Variants in MCTP1 observed in about 807,000 individuals in gnomAD.
MCTP1 encodes multiple C2 and transmembrane domain containing 1.
A neutral mutation model predicts 120.6 loss-of-function variants in MCTP1; 69 were observed. That is an observed-to-expected ratio of 0.57 (90% confidence interval 0.47 to 0.70). The LOEUF (loss-of-function observed/expected upper bound fraction) is 0.70, where lower values mean the gene tolerates loss of function less well. Ranked by LOEUF, MCTP1 falls within the 30% of genes least tolerant of loss-of-function variation. The probability of loss-of-function intolerance (pLI) is 0.00; values close to 1 mark genes in which losing one functional copy is unlikely to be tolerated. For missense variants in MCTP1, 1,203 were observed against 1,248.8 expected, an observed-to-expected ratio of 0.96 and a Z score of 0.55; for synonymous variants, 529 against 493.1, an observed-to-expected ratio of 1.07 and a Z score of -0.96.
chr5:94,846,817 CTGTGTGTGTG>C (rs67319075), intron 17 of MCTP1, among the ~76,000 whole-genome samples: 1 of 147,150 alleles, frequency 6.8e-6, no homozygotes, highest in Non-Finnish European at 1.5e-5. Flanking sequence ...CTGTGTGTGT[CTGTGTGTGTG>C]TGTGTGTGTG....
intron 1 of MCTP1, among the ~76,000 whole-genome samples, chr5:95,050,477 C>T (rs1745607569): frequency 6.6e-6 from 1 of 152,196 alleles, no homozygotes; most frequent in South Asian, 2.1e-4. Context: ...AGCCATCGGA[C>T]ATCACCAGTC....
At chr5:95,280,157 A>T (rs189040344) in intron 1 of MCTP1, among the ~76,000 whole-genome samples, 148 of 152,296 alleles carry the variant, frequency 9.7e-4, no homozygotes, top group African/African-American at 3.4e-3. Context: ...AGCAAGATAC[A>T]CTTCATGTAT....
At chr5:95,081,650 G>GT in intron 1 of MCTP1, 14 of 1,327,414 alleles carry the variant, frequency 1.1e-5, no homozygotes, top group Non-Finnish European at 1.3e-5. Flanking sequence ...TGGAATGAAA[G>GT]TAAGAAGAAC....
In MCTP1 at chr5:94,705,979, TA is replaced by T; in HGVS notation, c.*1516del. 1 of 151,702 alleles carries T rather than the reference TA, an allele frequency of 6.6e-6. No individual in the cohort carries two copies. The highest frequency in any genetic ancestry group is 2.4e-5 in the African/African-American group (1 of 41,386). 9.4% of individuals were successfully genotyped at this position (151,702 alleles called of 1,614,324 possible). Reference sequence around the variant, plus strand: ...GTATATAAACAGATCAAAATAGTTCTATTATAAGAAATAGTATTTAACAACT... The same window carrying T: ...GTATATAAACAGATCAAAATAGTTCTTTATAAGAAATAGTATTTAACAACT... On this transcript the variant is annotated 3_prime_UTR_variant, in exon 23 of 23. Coordinates refer to ENST00000515393, the MANE Select transcript of MCTP1 (RefSeq NM_024717.7).
chr5:95,225,729 C>T (rs1296974521), intron 1 of MCTP1, among the ~76,000 whole-genome samples: 8 of 152,068 alleles, frequency 5.3e-5, no homozygotes, highest in South Asian at 2.1e-4. Context: ...CTTCTTGCTC[C>T]GTTCTGGGTT....
chr5:94,709,254 T>G (rs552563641), intron 21 of MCTP1: 110 of 152,208 alleles, frequency 7.2e-4, no homozygotes, highest in Non-Finnish European at 1.4e-3. Flanking sequence ...GAATCTTGAT[T>G]TTGGTCCATC....
chr5:95,246,521 G>A (rs1756810077), intron 1 of MCTP1, among the ~76,000 whole-genome samples: 1 of 152,090 alleles, frequency 6.6e-6, no homozygotes, highest in Admixed American at 6.6e-5. Context: ...CCTAATCTCT[G>A]ATAAAACTGA....
At chr5:94,842,464 C>A (rs1791312435) in intron 17 of MCTP1, among the ~76,000 whole-genome samples, 1 of 152,136 alleles carries the variant, frequency 6.6e-6, no homozygotes, top group African/African-American at 2.4e-5. Flanking sequence ...TAAAAAACAA[C>A]AACAATCTTT....
At chr5:94,708,443 T>A in intron 22 of MCTP1, 69 bp downstream of exon 22, 1 of 918,542 alleles carries the variant, frequency 1.1e-6, no homozygotes, top group Non-Finnish European at 1.7e-6. Context: ...ATTAGAAGGA[T>A]ATAAAAGCTA....
At chr5:94,801,971 C>T (rs1254083103) in intron 17 of MCTP1, among the ~76,000 whole-genome samples, 1 of 152,200 alleles carries the variant, frequency 6.6e-6, no homozygotes, top group African/African-American at 2.4e-5. Flanking sequence ...ATATAGCACT[C>T]AGAACTGACA....
chr5:94,711,271 C>T (rs1334923448), intron 20 of MCTP1, among the ~76,000 whole-genome samples: 4 of 152,128 alleles, frequency 2.6e-5, no homozygotes, highest in Non-Finnish European at 4.4e-5. Context: ...CTTGTTTTCT[C>T]TGGCTTTTCA....
chr5:94,850,996 AT>A (rs553461767), intron 17 of MCTP1, among the ~76,000 whole-genome samples: 1 of 152,116 alleles, frequency 6.6e-6, no homozygotes, highest in Non-Finnish European at 1.5e-5. Flanking sequence ...GAGGTAATAT[AT>A]TTTTAAACTA....
At position 94,849,717 on chromosome 5, in the gene MCTP1, C is replaced by A. The variant is rs77118923; in HGVS notation, c.2436+18616G>T. 3.4e-3 allele frequency among the ~76,000 whole-genome samples: 513 copies of A among 152,122 alleles called. 4 individuals are homozygous for A. The highest frequency in any genetic ancestry group is 0.012 in the African/African-American group (484 of 41,498). ...TCTGAAATACATCAAAAGTTATAGT[C>A]CTAAAAACATGTACTATTTTCAACC... On this transcript the variant is annotated intron_variant, in intron 17 of 22. Coordinates refer to ENST00000515393, the MANE Select transcript of MCTP1 (RefSeq NM_024717.7).
chr5:94,998,265 G>GT (rs1436562747), intron 2 of MCTP1, among the ~76,000 whole-genome samples: 2 of 152,120 alleles, frequency 1.3e-5, no homozygotes, highest in Non-Finnish European at 2.9e-5. Flanking sequence ...ACTATTTATT[G>GT]TTTTACCTTG....
chr5:94,738,694 T>G (rs1417984928), intron 19 of MCTP1, among the ~76,000 whole-genome samples: 1 of 152,214 alleles, frequency 6.6e-6, no homozygotes, highest in East Asian at 1.9e-4. Flanking sequence ...GTACTCCTGA[T>G]CTGTTTCTCC....
chr5:94,932,386 T>C (rs1814985276), intron 5 of MCTP1, among the ~76,000 whole-genome samples: 1 of 152,008 alleles, frequency 6.6e-6, no homozygotes, highest in Admixed American at 6.6e-5. Flanking sequence ...ATTCAAAATC[T>C]TTTGCTTGGA....
intron 12 of MCTP1, among the ~76,000 whole-genome samples, chr5:94,884,631 G>T (rs1800852330): frequency 6.7e-6 from 1 of 148,898 alleles, no homozygotes; most frequent in Admixed American, 6.7e-5. Flanking sequence ...GGGGCTGGGG[G>T]GGCGGGAGCT....
chr5:95,021,103 C>T (rs1838129885), intron 1 of MCTP1, among the ~76,000 whole-genome samples: 1 of 152,024 alleles, frequency 6.6e-6, no homozygotes, highest in South Asian at 2.1e-4. Flanking sequence ...CGAATCCTGC[C>T]ACTTACTAAT....
chr5:95,168,221 T>C (rs1746699094), intron 1 of MCTP1, among the ~76,000 whole-genome samples: 2 of 152,348 alleles, frequency 1.3e-5, no homozygotes, highest in African/African-American at 2.4e-5. Context: ...TGTGGTAGTA[T>C]TTCTGAGGGC....
Sources: allele counts gnomAD v4.1 joint callset (sites outside exome capture counted in the v4.1 genomes callset), GRCh38; gene constraint gnomAD v4.1.1; transcripts MANE v1.5; gene names NCBI Gene and HGNC (gene_info 2026-07-23, HGNC 2026-07-21).